The following FARP2 variants were observed in gnomAD, a reference collection of about 807,000 sequenced individuals.
The protein encoded by FARP2 is FERM, ARH/RhoGEF and pleckstrin domain protein 2, also known as FERM, ARHGEF and pleckstrin domain-containing protein 2.
Under a neutral mutation model 130.5 loss-of-function variants are expected in FARP2, and 111 were observed. The observed-to-expected ratio is 0.85, with a 90% CI of 0.73 to 1.00. FARP2 has a LOEUF of 1.00. FARP2 is among the 50% of genes least tolerant of loss of function. The probability of loss-of-function intolerance (pLI) is 0.00; values close to 1 mark genes in which losing one functional copy is unlikely to be tolerated. For synonymous variants in FARP2, 504 were observed against 516.9 expected (o/e 0.98, Z 0.34); for missense variants, 1,385 against 1,346.3 (o/e 1.03, Z -0.45).
intron 14 of FARP2, among the ~76,000 whole-genome samples, chr2:241,461,666 G>A (rs372279706): frequency 1.3e-5 from 2 of 152,344 alleles, no homozygotes; most frequent in Admixed American, 6.5e-5. Context: ...GTGTCCAGGC[G>A]CCTATTCGGA....
chr2:241,468,622 C>T lies in FARP2; in HGVS notation c.2131+245C>T, dbSNP rs575865008. 2.0e-5 allele frequency among the ~76,000 whole-genome samples: 3 copies of T among 152,380 alleles called. No individual in the cohort carries two copies. The South Asian group carries it at 6.2e-4, about 32-fold the overall frequency. On this transcript the variant is annotated intron_variant, in intron 18 of 26. Coordinates refer to ENST00000264042, the MANE Select transcript of FARP2 (RefSeq NM_014808.4). The stretch of plus-strand genomic sequence containing the variant: ...TCTGCTCCTCCACCCTCAGGCAAGG[C>T]CCTGCCCATCTCCACGTCTGAGCAG...
chr2:241,373,142 A>C lies in FARP2; in HGVS notation c.35A>C (p.Gln12Pro). 6.6e-7 allele frequency: 1 copy of C among 1,510,700 alleles called. No individual in the cohort carries two copies. Among genetic ancestry groups the C allele is most frequent in the East Asian group, 2.5e-5 (1 of 40,624 alleles). 93.6% of individuals were successfully genotyped at this position (1,510,700 alleles called of 1,614,324 possible). A position where few individuals can be genotyped will look rare whatever the true frequency, so the allele number is the denominator to read the frequency against. ...ATAGAAGGAACATACAGAGTCCTGC[A>C]GACTGCAGGGATGCGCTTGGGTGCC... The part of the protein sequence containing the change: ...GEIEGTYRVL[Q>P]TAGMRLGAQT... The change falls in exon 2 of 27, where the codon CAG becomes CCG. Residue 12 changes from glutamine to proline, a missense_variant. Gln to Pro is a moderately conservative substitution (Grantham distance 76). Transcript: ENST00000264042.
intron 13 of FARP2, chr2:241,441,876 T>A (rs977628085): frequency 4.6e-6 from 2 of 432,162 alleles, no homozygotes; most frequent in Non-Finnish European, 8.6e-6. Context: ...CTTTTCCTTA[T>A]GGCTCTGTAG....
chr2:241,404,391 G>A (rs972783897), intron 3 of FARP2, among the ~76,000 whole-genome samples: 1 of 152,168 alleles, frequency 6.6e-6, no homozygotes, highest in Non-Finnish European at 1.5e-5. Context: ...TTGGCAGTGC[G>A]ACCAGATTTA....
chr2:241,439,174 C>T (rs2063322110), intron 12 of FARP2, among the ~76,000 whole-genome samples: 1 of 151,932 alleles, frequency 6.6e-6, no homozygotes, highest in African/African-American at 2.4e-5. Context: ...TGCCACCGCA[C>T]CCAGCTAATT....
Position 241,418,100 on chromosome 2 carries a change from C to T in FARP2, c.762C>T (p.Leu254=), listed in dbSNP as rs139417778. 5.6e-6 allele frequency: 9 copies of T among 1,613,990 alleles called. No individual in the cohort carries two copies. The highest frequency in any genetic ancestry group is 1.3e-5 in the African/African-American group (1 of 74,888). The stretch of plus-strand genomic sequence containing the variant: ...TGGCAGTTTCCCACATGGGTGTACT[C>T]GTGTTCCAGGTAGGCCAGTGGGGAA... ...IQLAVSHMGV[L]VFQGTTKINT... Residue 254 remains leucine, a synonymous_variant, in exon 8 of 27, where the codon CTC becomes CTT. Coordinates refer to ENST00000264042, the MANE Select transcript of FARP2 (RefSeq NM_014808.4).
intron 2 of FARP2, among the ~76,000 whole-genome samples, chr2:241,391,055 T>C (rs1012979392): frequency 1.3e-5 from 2 of 152,236 alleles, no homozygotes; most frequent in African/African-American, 4.8e-5. Flanking sequence ...ACAGACACGT[T>C]TCCTTTTTGT....
chr2:241,439,580 C>T (rs547530374), intron 12 of FARP2, among the ~76,000 whole-genome samples: 29 of 152,266 alleles, frequency 1.9e-4, no homozygotes, highest in African/African-American at 6.3e-4. Flanking sequence ...CCGCCCGACT[C>T]GGCCTCCCAA....
chr2:241,419,735 G>A (rs1283726269), intron 8 of FARP2, among the ~76,000 whole-genome samples: 2 of 152,214 alleles, frequency 1.3e-5, no homozygotes, highest in East Asian at 3.8e-4. Context: ...AGGGCTCACA[G>A]TTCATGCTTA....
chr2:241,453,325 C>CA (rs1184668232), intron 13 of FARP2, among the ~76,000 whole-genome samples: 1 of 141,558 alleles, frequency 7.1e-6, no homozygotes, highest in Non-Finnish European at 1.5e-5. Flanking sequence ...GACTTTGTCT[C>CA]AAAAAATGTA....
intron 13 of FARP2, among the ~76,000 whole-genome samples, chr2:241,453,100 CG>C (rs1486984955): frequency 6.6e-6 from 1 of 151,798 alleles, no homozygotes; most frequent in African/African-American, 2.4e-5. Flanking sequence ...GAGGCCAAGG[CG>C]GGCGGATCAC....
intron 8 of FARP2, among the ~76,000 whole-genome samples, chr2:241,423,773 C>A (rs982956802): frequency 6.6e-6 from 1 of 151,994 alleles, no homozygotes; most frequent in African/African-American, 2.4e-5. Flanking sequence ...ATAAAATTTA[C>A]CAAGCAAATG....
In FARP2 at chr2:241,451,020, A is replaced by G. The variant is rs538065342; in HGVS notation, c.1412-5727A>G. Among the ~76,000 whole-genome samples the G allele has an allele frequency of 8.5e-5, 13 of 152,304 alleles. No homozygotes were observed. In the East Asian group the frequency reaches 2.5e-3, roughly 29 times the overall value. On this transcript the variant is annotated intron_variant, in intron 13 of 26. Transcript: ENST00000264042. ...TTTGCTGGAGTGTGGTGGCCTGATC[A>G]TGGCTCACTGCAGCCTTGACTTCCC...
chr2:241,471,834 CT>C (rs1383970216), intron 18 of FARP2, among the ~76,000 whole-genome samples: 1 of 151,816 alleles, frequency 6.6e-6, no homozygotes, highest in Non-Finnish European at 1.5e-5. Flanking sequence ...TGTGGGGCAT[CT>C]TGTTCTTGTG....
chr2:241,467,517 G>A (rs2064202079), intron 17 of FARP2, among the ~76,000 whole-genome samples: 1 of 152,072 alleles, frequency 6.6e-6, no homozygotes, highest in East Asian at 1.9e-4. Flanking sequence ...GGGCGTGGTG[G>A]CACATGCCTG....
intron 26 of FARP2, 157 bp downstream of exon 26, chr2:241,493,601 T>C (rs1368251859): frequency 1.6e-6 from 1 of 644,508 alleles, no homozygotes; most frequent in South Asian, 2.0e-5. Context: ...TGCTTTGTTT[T>C]TTTTTTTTTT....
intron 2 of FARP2, among the ~76,000 whole-genome samples, chr2:241,375,250 C>T (rs2061509480): frequency 6.6e-6 from 1 of 152,062 alleles, no homozygotes; most frequent in African/African-American, 2.4e-5. Context: ...CGCGCCCAGC[C>T]CCAAATCTTT....
chr2:241,404,054 G>T, intron 3 of FARP2, 122 bp downstream of exon 3: 2 of 622,970 alleles, frequency 3.2e-6, no homozygotes, highest in Non-Finnish European at 2.9e-6. Flanking sequence ...ATATATTCTT[G>T]TTAGCTGTAG....
intron 2 of FARP2, among the ~76,000 whole-genome samples, chr2:241,384,436 A>G (rs1004384943): frequency 6.6e-6 from 1 of 152,178 alleles, no homozygotes. Flanking sequence ...CCACAATCTT[A>G]AACACTTGCC....
Sources: allele counts gnomAD v4.1 joint callset (sites outside exome capture counted in the v4.1 genomes callset), GRCh38; gene constraint gnomAD v4.1.1; transcripts MANE v1.5; gene names NCBI Gene and HGNC (gene_info 2026-07-23, HGNC 2026-07-21).